Variants in RTN1 observed in about 807,000 individuals in gnomAD.
The protein encoded by RTN1 is reticulon 1, also known as reticulon-1.
In RTN1, 25 loss-of-function variants were observed where a neutral mutation model predicts 65.5. That is an observed-to-expected ratio of 0.38 (90% confidence interval 0.28 to 0.53). The LOEUF is 0.53. RTN1 is among the 20% of genes least tolerant of loss of function. The probability of loss-of-function intolerance (pLI) is 0.79; values close to 1 mark genes in which losing one functional copy is unlikely to be tolerated. For missense variants in RTN1, 983 were observed against 1,025.4 expected (o/e 0.96, Z 0.57); for synonymous variants, 471 against 447.6 (o/e 1.05, Z -0.66).
At chr14:59,614,431 T>TA (rs949059498) in intron 3 of RTN1, among the ~76,000 whole-genome samples, 9 of 152,164 alleles carry the variant, frequency 5.9e-5, no homozygotes, top group Non-Finnish European at 1.2e-4. Context: ...TGTTTACATA[T>TA]AAAAAAACTC....
chr14:59,762,717 T>C (rs1411179544), intron 1 of RTN1, among the ~76,000 whole-genome samples: 2 of 152,238 alleles, frequency 1.3e-5, no homozygotes, highest in African/African-American at 4.8e-5. Flanking sequence ...AGCTGATCAA[T>C]GTTCATCTCT....
chr14:59,630,090 TG>T (rs1445922863), intron 3 of RTN1, among the ~76,000 whole-genome samples: 1 of 152,154 alleles, frequency 6.6e-6, no homozygotes, highest in African/African-American at 2.4e-5. Context: ...CTGGGATGCA[TG>T]GAACAATAAG....
intron 3 of RTN1, among the ~76,000 whole-genome samples, chr14:59,674,532 CCAG>C (rs1353852140): frequency 6.6e-6 from 1 of 152,134 alleles, no homozygotes; most frequent in East Asian, 1.9e-4. Context: ...CTACAAATTG[CCAG>C]GCTCTAAAAA....
At chr14:59,701,101 A>T (rs1884168861) in intron 3 of RTN1, among the ~76,000 whole-genome samples, 1 of 152,210 alleles carries the variant, frequency 6.6e-6, no homozygotes, top group Non-Finnish European at 1.5e-5. Flanking sequence ...GCTGATAAGC[A>T]CATAAAAAGA....
chr14:59,730,096 C>T (rs1251150916), intron 2 of RTN1, among the ~76,000 whole-genome samples: 1 of 152,230 alleles, frequency 6.6e-6, no homozygotes. Flanking sequence ...CTTCTTTAAA[C>T]TCTCTTCAGT....
intron 3 of RTN1, among the ~76,000 whole-genome samples, chr14:59,660,133 G>C (rs1204350188): frequency 2.6e-5 from 4 of 152,100 alleles, no homozygotes; most frequent in Non-Finnish European, 4.4e-5. Context: ...AAGATCAAAA[G>C]AGACAAAGAA....
chr14:59,837,517 A>C (rs928459884), intron 1 of RTN1, among the ~76,000 whole-genome samples: 1 of 152,112 alleles, frequency 6.6e-6, no homozygotes, highest in Non-Finnish European at 1.5e-5. Flanking sequence ...ACAAACTGAT[A>C]AATATACATA....
chr14:59,866,985 TG>T (rs1346208510), intron 1 of RTN1, among the ~76,000 whole-genome samples: 1 of 152,206 alleles, frequency 6.6e-6, no homozygotes, highest in East Asian at 1.9e-4. Flanking sequence ...AAATGCTTTT[TG>T]TAATTATCTT....
intron 1 of RTN1, among the ~76,000 whole-genome samples, chr14:59,760,459 A>G (rs927672588): frequency 1.3e-5 from 2 of 152,198 alleles, no homozygotes; most frequent in Non-Finnish European, 2.9e-5. Context: ...TTTAAAAATT[A>G]TTTTCCTTTT....
intron 1 of RTN1, among the ~76,000 whole-genome samples, chr14:59,863,662 C>T (rs998332908): frequency 3.3e-5 from 5 of 152,036 alleles, no homozygotes; most frequent in Admixed American, 6.6e-5. Flanking sequence ...TGTATATAAG[C>T]AGATCAGATC....
rs529502670 is a variant in RTN1, at chr14:59,603,989, A to G, written c.2113-68T>C. On this transcript the variant is annotated intron_variant, in intron 5 of 8. Coordinates refer to ENST00000267484, the MANE Select transcript of RTN1 (RefSeq NM_021136.3). ...GACAAGTTAGAGTCTCATATCATTG[A>G]CTTTTACCTAGATTTGAATTTGAGT... 8 of 1,219,460 alleles carry G rather than the reference A, an allele frequency of 6.6e-6. No individual in the cohort carries two copies. The South Asian group carries it at 8.5e-5, about 13-fold the overall frequency. The allele number at this position is 1,219,460 out of a possible 1,614,324, so 75.5% of individuals were successfully genotyped here. A position where few individuals can be genotyped will look rare whatever the true frequency, so the allele number is the denominator to read the frequency against.
intron 1 of RTN1, among the ~76,000 whole-genome samples, chr14:59,750,014 ATT>A (rs1491183821): frequency 1.2e-5 from 1 of 84,036 alleles, no homozygotes; most frequent in South Asian, 2.9e-4. Flanking sequence ...ATACATATAT[ATT>A]ATATATTATA....
intron 2 of RTN1, among the ~76,000 whole-genome samples, chr14:59,738,536 C>T (rs1013354890): frequency 6.6e-6 from 1 of 152,178 alleles, no homozygotes; most frequent in African/African-American, 2.4e-5. Flanking sequence ...AAAAGGAATG[C>T]TTTTACATTG....
chr14:59,682,867 G>T (rs563747666), intron 3 of RTN1, among the ~76,000 whole-genome samples: 1 of 152,080 alleles, frequency 6.6e-6, no homozygotes, highest in African/African-American at 2.4e-5. Flanking sequence ...TTCCTAATAC[G>T]CATGCACTAA....
rs1887081127 is a variant in RTN1 at position 59,829,044 on chromosome 14, G to A, written c.241+41346C>T. Among the ~76,000 whole-genome samples, 1 of 152,136 alleles carries A rather than the reference G, an allele frequency of 6.6e-6. No individual in the cohort carries two copies. The highest frequency in any genetic ancestry group is 1.5e-5 in the Non-Finnish European group (1 of 68,036). On this transcript the variant is annotated intron_variant, in intron 1 of 8. Transcript: ENST00000267484. The surrounding 1 kb of genome is among the most constrained non-coding windows in gnomAD (Gnocchi z 4.3). ...GATCCCACTGCTCAATACTGAAGCA[G>A]CTGAATAATGATGGACTTTAGGACA...
intron 1 of RTN1, among the ~76,000 whole-genome samples, chr14:59,806,202 C>T (rs1790318751): frequency 1.3e-5 from 2 of 151,856 alleles, no homozygotes; most frequent in South Asian, 4.2e-4. Flanking sequence ...TGCCACTGCA[C>T]TCCAGCCTGG....
At chr14:59,749,966 T>C (rs1344447187) in intron 1 of RTN1, among the ~76,000 whole-genome samples, 2 of 95,348 alleles carry the variant, frequency 2.1e-5, no homozygotes, top group Non-Finnish European at 3.8e-5. Flanking sequence ...ATATATATAT[T>C]ATATACATAT....
At chr14:59,696,998 T>G (rs1479998597) in intron 3 of RTN1, among the ~76,000 whole-genome samples, 1 of 152,228 alleles carries the variant, frequency 6.6e-6, no homozygotes, top group African/African-American at 2.4e-5. Context: ...TACATACTCC[T>G]GAGTTATTTT....
chr14:59,669,222 T>C (rs1392253702), intron 3 of RTN1, among the ~76,000 whole-genome samples: 2 of 152,128 alleles, frequency 1.3e-5, no homozygotes, highest in Admixed American at 6.5e-5. Flanking sequence ...CCATCAATGA[T>C]AGACTGGATT....
Sources: gnomAD v4.1 joint callset for allele counts (sites outside exome capture counted in the v4.1 genomes callset) on GRCh38, gnomAD v4.1.1 for gene constraint, Gnocchi (gnomAD v3.1) non-coding constraint, MANE v1.5 for transcripts, NCBI Gene and HGNC (gene_info 2026-07-23, HGNC 2026-07-21) for gene names.